Variants in NGLY1 observed in about 807,000 individuals in gnomAD.
NGLY1 encodes the protein N-glycanase 1.
Under a neutral mutation model 84.6 loss-of-function variants are expected in NGLY1, and 68 were observed. The observed-to-expected ratio is 0.80, with a 90% confidence interval of 0.66 to 0.98. The LOEUF is 0.98. NGLY1 is among the 50% of genes least tolerant of loss of function. The probability of loss-of-function intolerance (pLI) is 0.00; values close to 1 mark genes in which losing one functional copy is unlikely to be tolerated. For missense variants in NGLY1, 779 were observed against 770.2 expected, an observed-to-expected ratio of 1.01 and a Z score of -0.14; for synonymous variants, 280 against 275.2, an observed-to-expected ratio of 1.02 and a Z score of -0.17.
chr3:25,743,903 G>A (rs1386731977), intron 4 of NGLY1, among the ~76,000 whole-genome samples: 3 of 152,026 alleles, frequency 2.0e-5, no homozygotes, highest in Non-Finnish European at 2.9e-5. Flanking sequence ...CTTAACTAGG[G>A]GCTCAGAGAA....
intron 2 of NGLY1, among the ~76,000 whole-genome samples, chr3:25,764,998 G>A (rs1979609): frequency 0.72 from 108,904 of 152,152 alleles, 41,716 homozygotes; most frequent in East Asian, 0.94. Flanking sequence ...CTATAAATAT[G>A]CTAAGAATGC....
intron 3 of NGLY1, among the ~76,000 whole-genome samples, chr3:25,758,168 C>CA (rs1044771280): frequency 6.6e-5 from 10 of 151,924 alleles, no homozygotes; most frequent in African/African-American, 2.4e-4. Context: ...CATTTTAGTG[C>CA]AAAAAAGAAA....
chr3:25,747,926 T>A (rs1412129776), intron 4 of NGLY1, among the ~76,000 whole-genome samples: 1 of 152,160 alleles, frequency 6.6e-6, no homozygotes, highest in African/African-American at 2.4e-5. Context: ...GTGCATTTTG[T>A]CTGCAGGAAG....
chr3:25,785,350 G>A (rs762630307), upstream of NGLY1, among the ~76,000 whole-genome samples: 5 of 151,880 alleles, frequency 3.3e-5, no homozygotes, highest in South Asian at 2.1e-4. Flanking sequence ...ATGTAGTCTC[G>A]TCCAACTACA....
At chr3:25,748,515 T>C (rs1706560000) in intron 4 of NGLY1, among the ~76,000 whole-genome samples, 1 of 152,238 alleles carries the variant, frequency 6.6e-6, no homozygotes, top group African/African-American at 2.4e-5. Flanking sequence ...TCAGTTCCTA[T>C]TATCCAGTAC....
intron 3 of NGLY1, among the ~76,000 whole-genome samples, chr3:25,760,112 T>G (rs1201443685): frequency 6.6e-6 from 1 of 152,128 alleles, no homozygotes; most frequent in Non-Finnish European, 1.5e-5. Context: ...AACTTTTCTA[T>G]TTATAAAGGT....
chr3:25,729,481 G>T (rs1705429563), intron 9 of NGLY1, 163 bp from the exon 10 acceptor site: 3 of 390,512 alleles, frequency 7.7e-6, no homozygotes, highest in East Asian at 7.6e-5. Flanking sequence ...AATATAATCA[G>T]TATGATGTTA....
chr3:25,786,046 T>C (rs1342795052), upstream of NGLY1, among the ~76,000 whole-genome samples: 1 of 152,212 alleles, frequency 6.6e-6, no homozygotes, highest in East Asian at 1.9e-4. Context: ...CTATACAAAT[T>C]CCTGAAAGAC....
At chr3:25,773,445 C>G (rs1191774388) in intron 2 of NGLY1, among the ~76,000 whole-genome samples, 1 of 152,012 alleles carries the variant, frequency 6.6e-6, no homozygotes, top group African/African-American at 2.4e-5. Flanking sequence ...TCTGCATTTC[C>G]CTAGGTGTGT....
rs5847371 is a variant in NGLY1 at position 25,754,788 on chromosome 3, CTTT to C, written c.493-3528_493-3526del. On this transcript the variant is annotated intron_variant, in intron 3 of 11. Transcript: ENST00000280700. The stretch of plus-strand genomic sequence containing the variant: ...AAGAACACATTAGAGATGACTCGTG[CTTT>C]TTTTTTTTTTTTTTGATACGAGCAA... 5.0e-3 allele frequency: 1,357 copies of C among 273,386 alleles called. 4 individuals carry two copies. Among genetic ancestry groups the C allele is most frequent in the Middle Eastern group, 8.6e-3 (7 of 818 alleles). 16.9% of individuals were successfully genotyped at this position (273,386 alleles called of 1,614,324 possible).
At chr3:25,780,309 G>A (rs1708353323) in intron 1 of NGLY1, among the ~76,000 whole-genome samples, 1 of 152,148 alleles carries the variant, frequency 6.6e-6, no homozygotes, top group Non-Finnish European at 1.5e-5. Context: ...TGTCTCACAA[G>A]TGAGCCTCTC....
intron 2 of NGLY1, among the ~76,000 whole-genome samples, chr3:25,767,681 C>T (rs894001520): frequency 6.6e-6 from 1 of 152,178 alleles, no homozygotes; most frequent in Non-Finnish European, 1.5e-5. Context: ...TTTTAATATA[C>T]AGTTGAAAAT....
At chr3:25,741,114 C>T (rs962671674) in intron 4 of NGLY1, among the ~76,000 whole-genome samples, 54 of 136,588 alleles carry the variant, frequency 4.0e-4, no homozygotes, top group Non-Finnish European at 5.1e-4. Flanking sequence ...AGTGACAGAG[C>T]GAAACTCTGT....
At chr3:25,745,601 A>C (rs1706378367) in intron 4 of NGLY1, among the ~76,000 whole-genome samples, 2 of 152,278 alleles carry the variant, frequency 1.3e-5, no homozygotes, top group Admixed American at 6.5e-5. Flanking sequence ...TATCCTATTG[A>C]CTGCAAATTC....
At chr3:25,770,442 G>C (rs1707836613) in intron 2 of NGLY1, among the ~76,000 whole-genome samples, 1 of 152,084 alleles carries the variant, frequency 6.6e-6, no homozygotes, top group Non-Finnish European at 1.5e-5. Context: ...AGCCACTACT[G>C]CCTGGCCTCC....
At chr3:25,733,307 T>A (rs1341366545) in intron 8 of NGLY1, among the ~76,000 whole-genome samples, 1 of 152,136 alleles carries the variant, frequency 6.6e-6, no homozygotes, top group Non-Finnish European at 1.5e-5. Flanking sequence ...TTTTAATTTA[T>A]GAAAAAAACC....
upstream of NGLY1, among the ~76,000 whole-genome samples, chr3:25,785,135 CAAAAAAA>C (rs1159268520): frequency 9.1e-5 from 7 of 76,982 alleles, no homozygotes; most frequent in East Asian, 9.4e-4. Context: ...CCTGCTTGGA[CAAAAAAA>C]AAAAAAAAAA....
intron 9 of NGLY1, among the ~76,000 whole-genome samples, chr3:25,731,462 C>T (rs943527212): frequency 6.6e-6 from 1 of 152,008 alleles, no homozygotes; most frequent in African/African-American, 2.4e-5. Flanking sequence ...CAAGTGTACA[C>T]AAAGATGTCG....
At chr3:25,723,027 C>T (rs1486397943) in intron 10 of NGLY1, among the ~76,000 whole-genome samples, 2 of 152,154 alleles carry the variant, frequency 1.3e-5, no homozygotes, top group African/African-American at 2.4e-5. Flanking sequence ...TCTCAATATG[C>T]ACTTCTATAT....
Sources: gnomAD v4.1 joint callset for allele counts (sites outside exome capture counted in the v4.1 genomes callset) on GRCh38, gnomAD v4.1.1 for gene constraint, MANE v1.5 for transcripts, NCBI Gene and HGNC (gene_info 2026-07-23, HGNC 2026-07-21) for gene names.